The following SORL1 variants were observed in gnomAD, a reference collection of about 807,000 sequenced individuals.
SORL1 encodes sortilin-related receptor.
SORL1 carries 127 observed loss-of-function variants against 273.7 expected under a neutral mutation model. That is an observed-to-expected ratio of 0.46 (90% CI 0.40 to 0.54). The LOEUF is 0.54. Ranked by LOEUF, SORL1 falls within the 20% of genes least tolerant of loss-of-function variation. The probability of loss-of-function intolerance (pLI) is 0.00; values close to 1 mark genes in which losing one functional copy is unlikely to be tolerated. For missense variants in SORL1, 2,494 were observed against 2,846.1 expected (o/e 0.88, Z 2.81); for synonymous variants, 1,031 against 1,067.4 (o/e 0.97, Z 0.66).
At chr11:121,478,032 C>CAAAAA (rs55896588) in intron 2 of SORL1, 86 bp from the exon 3 acceptor site, 4 of 1,048,414 alleles carry the variant, frequency 3.8e-6, no homozygotes, top group South Asian at 1.7e-5. Context: ...AACTCAGTCT[C>CAAAAA]AAAAAAAAAA....
chr11:121,567,052 G>C lies in SORL1; in HGVS notation c.3162G>C (p.Gly1054=), dbSNP rs751236275. The C allele has an allele frequency of 1.2e-6, 2 of 1,613,764 alleles. No individual in the cohort carries two copies. The highest frequency in any genetic ancestry group is 1.7e-6 in the Non-Finnish European group (2 of 1,179,620). Residue 1054 remains glycine (G), a synonymous_variant, in exon 22 of 48, where the codon GGG becomes GGC. Transcript: ENST00000260197. ...TGTCCAGCAGTGTGCTTCCATCAGG[G>C]GACCTGATGTGTGACTGCCCTCAGG... ...EDVSSSVLPS[G]DLMCDCPQGY...
chr11:121,580,711 C>T (rs1232825587), intron 25 of SORL1, among the ~76,000 whole-genome samples: 17 of 149,790 alleles, frequency 1.1e-4, no homozygotes, highest in Admixed American at 4.7e-4. Flanking sequence ...CTCAATCCAT[C>T]TTCCCGCCTT....
intron 12 of SORL1, among the ~76,000 whole-genome samples, chr11:121,541,987 A>T (rs1009615482): frequency 6.6e-6 from 1 of 152,216 alleles, no homozygotes; most frequent in Admixed American, 6.5e-5. Context: ...GAAAAACCGT[A>T]TAACGAACAC....
chr11:121,462,724 A>G (rs748083322), intron 1 of SORL1, among the ~76,000 whole-genome samples: 3 of 152,116 alleles, frequency 2.0e-5, no homozygotes, highest in Non-Finnish European at 4.4e-5. Flanking sequence ...AGCTGGGACT[A>G]CAGGCATGCG....
chr11:121,484,582 T>G (rs1451051718), intron 3 of SORL1, among the ~76,000 whole-genome samples: 1 of 152,000 alleles, frequency 6.6e-6, no homozygotes, highest in African/African-American at 2.4e-5. Flanking sequence ...GGCAGGAGAC[T>G]TGGGACGTGG....
intron 21 of SORL1, among the ~76,000 whole-genome samples, chr11:121,564,033 A>G (rs1862716578): frequency 6.6e-6 from 1 of 152,232 alleles, no homozygotes; most frequent in Admixed American, 6.5e-5. Flanking sequence ...TGTTCTGAAC[A>G]TGCCCAGTGA....
rs563493923 is a variant in SORL1, at chr11:121,614,618, C to T, written c.5420-253C>T. ...TACAAGGCCAAATGGCTTCCAGGAG[C>T]GTTGTACCAACTCCTATCCGCGGAT... On this transcript the variant is annotated intron_variant, in intron 40 of 47. Transcript: ENST00000260197. 3.3e-5 allele frequency: 13 copies of T among 392,484 alleles called. No homozygotes were observed. In the East Asian group the frequency reaches 4.5e-4, roughly 14 times the overall value. The allele number at this position is 392,484 out of a possible 1,614,324, so 24.3% of individuals were successfully genotyped here.
At position 121,557,352 on chromosome 11, in the gene SORL1, C is replaced by T; in HGVS notation, c.2610C>T (p.Val870=). The stretch of plus-strand genomic sequence containing the variant: ...ATGGCGACTTCCGACTCACAATCGT[C>T]AATTCCTCTGTGCTTGATCGTCCCA... ...NPDGDFRLTI[V]NSSVLDRPRA... is the part of the protein sequence containing the mutation. Residue 870 remains valine, a synonymous_variant, in exon 19 of 48, where the codon GTC becomes GTT. Coordinates refer to ENST00000260197, the MANE Select transcript of SORL1 (RefSeq NM_003105.6). 1 of 1,614,180 alleles carries T rather than the reference C, an allele frequency of 6.2e-7. No individual in the cohort carries two copies. The highest frequency in any genetic ancestry group is 8.5e-7 in the Non-Finnish European group (1 of 1,180,016).
chr11:121,529,735 G>C (rs942937257), intron 11 of SORL1, among the ~76,000 whole-genome samples: 1 of 152,072 alleles, frequency 6.6e-6, no homozygotes. Context: ...ACATATAGTA[G>C]GGTCTTGCTT....
rs1565360058 is a variant in SORL1 at position 121,627,816 on chromosome 11, C to T, written c.6577+49C>T. 1.7e-5 allele frequency: 24 copies of T among 1,377,788 alleles called. No individual in the cohort carries two copies. The highest frequency in any genetic ancestry group is 2.8e-5 in the African/African-American group (2 of 70,226). The allele number at this position is 1,377,788 out of a possible 1,614,324, so 85.3% of individuals were successfully genotyped here. On this transcript the variant is annotated intron_variant, in intron 47 of 47. Coordinates refer to ENST00000260197, the MANE Select transcript of SORL1 (RefSeq NM_003105.6). This position sits in a 1 kb window ranked among gnomAD's most constrained non-coding sequence, Gnocchi z 4.9. ...TTCTTCCTCCCAGGGCTGACCCCCA[C>T]GCAGCCAATGACTTGATTAGGAAAC...
intron 37 of SORL1, 39 bp from the exon 38 acceptor site, chr11:121,608,065 G>C (rs768798976): frequency 6.5e-7 from 1 of 1,548,542 alleles, no homozygotes; most frequent in East Asian, 2.2e-5. Flanking sequence ...ATGGTGTATT[G>C]CCTTTATTTC....
chr11:121,548,024 G>A (rs778740148), intron 14 of SORL1, among the ~76,000 whole-genome samples: 1 of 152,014 alleles, frequency 6.6e-6, no homozygotes, highest in Non-Finnish European at 1.5e-5. Context: ...TATATTTCTC[G>A]ACATTGCCAA....
chr11:121,609,455 T>C (rs1385204058), intron 38 of SORL1: 1 of 152,226 alleles, frequency 6.6e-6, no homozygotes, highest in Non-Finnish European at 1.5e-5. Context: ...GAAGGGATGT[T>C]GGAAGAGCAA....
At chr11:121,574,714 G>A (rs2134933717) in intron 24 of SORL1, among the ~76,000 whole-genome samples, 1 of 152,294 alleles carries the variant, frequency 6.6e-6, no homozygotes, top group South Asian at 2.1e-4. Context: ...GATGGAGCCT[G>A]GACTCAGCTC....
At position 121,557,400 on chromosome 11, in the gene SORL1, A is replaced by G. The variant is rs1275152709; in HGVS notation, c.2658A>G (p.Gln886=). The change falls in exon 19 of 48, where the codon CAA becomes CAG. Residue 886 remains glutamine, a synonymous_variant. Transcript: ENST00000260197. ...DRPRALVLVP[Q]EGVMFWTDWG... The stretch of plus-strand genomic sequence containing the variant: ...CCAGGGCTCTGGTCCTCGTGCCCCA[A>G]GAGGGGTAAGTGTTGCCCCAAAAGG... 2 of 1,611,978 alleles carry G rather than the reference A, an allele frequency of 1.2e-6. No individual in the cohort carries two copies. The highest frequency in any genetic ancestry group is 1.1e-5 in the South Asian group (1 of 91,050).
At chr11:121,620,006 G>A (rs1863699506) in intron 43 of SORL1, 89 bp downstream of exon 43, 1 of 1,038,212 alleles carries the variant, frequency 9.6e-7, no homozygotes, top group Non-Finnish European at 1.5e-6. Flanking sequence ...AATGGGGCAA[G>A]AAACACAGGC....
chr11:121,494,485 A>G (rs1861599509), intron 5 of SORL1, among the ~76,000 whole-genome samples: 1 of 152,228 alleles, frequency 6.6e-6, no homozygotes, highest in Admixed American at 6.5e-5. Flanking sequence ...GGACTCAAAG[A>G]TACCCTGTGG....
At chr11:121,605,064 C>G (rs1450826104) in intron 33 of SORL1, 49 bp from the exon 34 acceptor site, 1 of 1,559,228 alleles carries the variant, frequency 6.4e-7, no homozygotes, top group Admixed American at 1.8e-5. Flanking sequence ...AGCCACCACG[C>G]CCAGCCAAGA....
chr11:121,455,422 T>G (rs1860886353), intron 1 of SORL1, among the ~76,000 whole-genome samples: 1 of 152,166 alleles, frequency 6.6e-6, no homozygotes, highest in South Asian at 2.1e-4. Flanking sequence ...GAAGCAGGCC[T>G]AGAGGCGATG....
Sources: allele counts gnomAD v4.1 joint callset (sites outside exome capture counted in the v4.1 genomes callset), GRCh38; gene constraint gnomAD v4.1.1; non-coding constraint Gnocchi (gnomAD v3.1); transcripts MANE v1.5; gene names NCBI Gene and HGNC (gene_info 2026-07-23, HGNC 2026-07-21).